EIF4E1B: variants seen among roughly 807,000 people sequenced by gnomAD.
The protein encoded by EIF4E1B is eukaryotic translation initiation factor 4E type 1B.
A neutral mutation model predicts 31.3 loss-of-function variants in EIF4E1B; 22 were observed. That is an observed-to-expected ratio of 0.70 (90% CI 0.50 to 1.00). The LOEUF is 1.00. Among genes scored for constraint, EIF4E1B ranks in the 50% least tolerant of loss-of-function variants. The pLI is 0.00. For missense variants in EIF4E1B, 290 were observed against 311.6 expected (o/e 0.93, Z 0.52); for synonymous variants, 126 against 120.2 (o/e 1.05, Z -0.31).
At position 176,645,848 on chromosome 5, in the gene EIF4E1B, T is replaced by C. The variant is rs369228216; in HGVS notation, c.615-18T>C. The C allele has an allele frequency of 3.5e-5, 55 of 1,555,490 alleles. No individual in the cohort carries two copies. The highest frequency in any genetic ancestry group is 4.5e-5 in the Non-Finnish European group (52 of 1,149,188). On this transcript the variant is annotated intron_variant, in intron 8 of 8. Coordinates refer to ENST00000318682, the MANE Select transcript of EIF4E1B (RefSeq NM_001099408.2). This position sits in a 1 kb window ranked among gnomAD's most constrained non-coding sequence, Gnocchi z 5.4. Reference sequence around the variant, plus strand: ...GACTACCTGTGTCTCTTTTCCTCTGTGTCCCCCGCACCTGCAGGCGTGTAT... The same window carrying C: ...GACTACCTGTGTCTCTTTTCCTCTGCGTCCCCCGCACCTGCAGGCGTGTAT...
rs56115420 is a variant in EIF4E1B at position 176,642,865 on chromosome 5, C to CACCCCCCCG, written c.15+63_15+64insACCCCCCCG. ...GCCCCGCCCTCTCCCCCCCCCCCCC[C>CACCCCCCCG]GCCCCAGGTGGGCGGGGCAGGTGCT... On this transcript the variant is annotated intron_variant, in intron 3 of 8. Coordinates refer to ENST00000318682, the MANE Select transcript of EIF4E1B (RefSeq NM_001099408.2). 2.8e-5 allele frequency: 33 copies of CACCCCCCCG among 1,173,064 alleles called. 2 individuals carry two copies. In the African/African-American group the frequency reaches 6.5e-4, roughly 23 times the overall value. The allele number at this position is 1,173,064 out of a possible 1,614,324, so 72.7% of individuals were successfully genotyped here.
Position 176,646,017 on chromosome 5 carries a change from C to A in EIF4E1B, c.*37C>A. 1 of 1,525,848 alleles carries A rather than the reference C, an allele frequency of 6.6e-7. No homozygotes were observed. Among genetic ancestry groups the A allele is most frequent in the Non-Finnish European group, 8.9e-7 (1 of 1,120,972 alleles). The allele number at this position is 1,525,848 out of a possible 1,614,324, so 94.5% of individuals were successfully genotyped here. A position where few individuals can be genotyped will look rare whatever the true frequency, so the allele number is the denominator to read the frequency against. On this transcript the variant is annotated 3_prime_UTR_variant, in exon 9 of 9. Coordinates refer to ENST00000318682, the MANE Select transcript of EIF4E1B (RefSeq NM_001099408.2). ...GCACCCCTCCTATGTAATGGGACAGCCGCCACTGAGCCTCATTACTTTGGG... is the reference window on the plus strand; with the variant it reads ...GCACCCCTCCTATGTAATGGGACAGACGCCACTGAGCCTCATTACTTTGGG...
intron 1 of EIF4E1B, among the ~76,000 whole-genome samples, chr5:176,637,810 A>C (rs551490036): frequency 6.6e-6 from 1 of 152,246 alleles, no homozygotes; most frequent in African/African-American, 2.4e-5. Flanking sequence ...TCCAGATTTC[A>C]TTTTAACGGC....
rs199960344 is a variant in EIF4E1B, at chr5:176,645,436, C to T, written c.534C>T (p.Val178=). ...ACAGCAGAGAGGTATGTGGGGCCGT[C>T]GTCAACATCCGCACCAAGGGGGACA... The part of the protein sequence containing the change: ...EEHSREVCGA[V]VNIRTKGDKI... Residue 178 remains valine, a synonymous_variant, in exon 8 of 9, where the codon GTC becomes GTT. Coordinates refer to ENST00000318682, the MANE Select transcript of EIF4E1B (RefSeq NM_001099408.2). The surrounding 1 kb of genome is among the most constrained non-coding windows in gnomAD (Gnocchi z 5.4). 18 of 1,514,486 alleles carry T rather than the reference C, an allele frequency of 1.2e-5. No individual in the cohort carries two copies. Among genetic ancestry groups the T allele is most frequent in the East Asian group, 4.6e-5 (2 of 43,506 alleles). 93.8% of individuals were successfully genotyped at this position (1,514,486 alleles called of 1,614,324 possible). A position where few individuals can be genotyped will look rare whatever the true frequency, so the allele number is the denominator to read the frequency against.
rs1333271712 is a variant in EIF4E1B, at chr5:176,645,173, G to A, written c.404G>A (p.Gly135Asp). ...PMWEDSRNKR[G>D]GRWLVSLAKQ... ...TGGGAGGACAGCAGGAATAAACGGG[G>A]TGGCCGCTGGCTGGTCAGCCTGGCC... The change falls in exon 7 of 9, where the codon GGT (glycine) becomes GAT (aspartate). Residue 135 changes from glycine to aspartate, a missense_variant. By Grantham distance (94) the Gly-to-Asp change is moderately conservative (BLOSUM62 -1). Coordinates refer to ENST00000318682, the MANE Select transcript of EIF4E1B (RefSeq NM_001099408.2). This position sits in a 1 kb window ranked among gnomAD's most constrained non-coding sequence, Gnocchi z 5.4. The A allele has an allele frequency of 3.2e-6, 5 of 1,578,300 alleles. No individual in the cohort carries two copies. In the African/African-American group the frequency reaches 5.4e-5, roughly 17 times the overall value.
chr5:176,632,829 T>G (rs1032855308), intron 1 of EIF4E1B, among the ~76,000 whole-genome samples: 3 of 152,242 alleles, frequency 2.0e-5, no homozygotes, highest in Admixed American at 6.5e-5. Context: ...CCTTCCCCTC[T>G]GAGAGATGAC....
chr5:176,643,384 C>A, intron 4 of EIF4E1B, 118 bp downstream of exon 4: 1 of 1,281,406 alleles, frequency 7.8e-7, no homozygotes, highest in Non-Finnish European at 1.1e-6. Context: ...CCGTGGGAGG[C>A]CAGGGCTGAC....
chr5:176,644,099 G>C, intron 5 of EIF4E1B: 3 of 574,304 alleles, frequency 5.2e-6, no homozygotes, highest in Admixed American at 3.2e-5. Context: ...ACAAGCCCTA[G>C]GGAGGGTGAG....
chr5:176,642,676 C>T (rs757582071), intron 2 of EIF4E1B, 34 bp from the exon 3 acceptor site: 26 of 1,496,462 alleles, frequency 1.7e-5, no homozygotes, highest in African/African-American at 2.8e-5. Flanking sequence ...GCTTTCCCTT[C>T]GAGCAGGCTC....
chr5:176,645,559 C>A lies in EIF4E1B; in HGVS notation c.614+43C>A. On this transcript the variant is annotated intron_variant, in intron 8 of 8. Coordinates refer to ENST00000318682, the MANE Select transcript of EIF4E1B (RefSeq NM_001099408.2). This position sits in a 1 kb window ranked among gnomAD's most constrained non-coding sequence, Gnocchi z 5.4. The stretch of plus-strand genomic sequence containing the variant: ...CACAGGGTGGGGACTTGGGTCTCTG[C>A]TAGAGGGAAGGTGGGTGGAGGGGGC... 6.7e-7 allele frequency: 1 copy of A among 1,490,938 alleles called. No homozygotes were observed. Among genetic ancestry groups the A allele is most frequent in the South Asian group, 1.4e-5 (1 of 69,890 alleles). The allele number at this position is 1,490,938 out of a possible 1,614,324, so 92.4% of individuals were successfully genotyped here. A position where few individuals can be genotyped will look rare whatever the true frequency, so the allele number is the denominator to read the frequency against.
intron 2 of EIF4E1B, 68 bp from the exon 3 acceptor site, chr5:176,642,642 C>A: frequency 7.5e-7 from 1 of 1,339,688 alleles, no homozygotes; most frequent in Non-Finnish European, 1.0e-6. Context: ...ATTCTGGGGT[C>A]ACCCTCCACG....
In EIF4E1B at chr5:176,630,983, T is replaced by C. The variant is rs1342573694; in HGVS notation, c.-283T>C. On this transcript the variant is annotated 5_prime_UTR_variant, in exon 1 of 9. Coordinates refer to ENST00000318682, the MANE Select transcript of EIF4E1B (RefSeq NM_001099408.2). ...CTTACCATGGGGGTGTCTGTACGCG[T>C]GTGTGTTCGTGCGCTCAGTGGTGGA... The C allele has an allele frequency of 1.3e-5, 2 of 152,550 alleles. No homozygotes were observed. Among genetic ancestry groups the C allele is most frequent in the Non-Finnish European group, 1.5e-5 (1 of 68,052 alleles). The allele number at this position is 152,550 out of a possible 1,614,324, so 9.4% of individuals were successfully genotyped here.
chr5:176,633,932 C>A (rs1760452362), intron 1 of EIF4E1B, among the ~76,000 whole-genome samples: 2 of 152,148 alleles, frequency 1.3e-5, no homozygotes, highest in African/African-American at 4.8e-5. Flanking sequence ...CTGGGGCAGA[C>A]TCCAGAGGAG....
rs1456665243 is a variant in EIF4E1B, at chr5:176,642,797, G to A, written c.10G>A (p.Val4Ile). Reference protein sequence around the residue: MLAVEVSEAEGGIR... With the variant: MLAIEVSEAEGGIR... ...AGAAGGCACTCACTAAATGCTTGCT[G>A]TTGAGGTAATCAGCCTGGCCTCTCT... The change falls in exon 3 of 9, where the codon GTT (valine) becomes ATT (isoleucine). Residue 4 changes from valine to isoleucine, a missense_variant. Physicochemically the swap from Val to Ile is conservative, Grantham distance 29. Coordinates refer to ENST00000318682, the MANE Select transcript of EIF4E1B (RefSeq NM_001099408.2). 1.3e-6 allele frequency: 2 copies of A among 1,557,764 alleles called. No individual in the cohort carries two copies. The highest frequency in any genetic ancestry group is 1.4e-5 in the African/African-American group (1 of 72,064).
At chr5:176,634,462 T>G (rs1760461476) in intron 1 of EIF4E1B, among the ~76,000 whole-genome samples, 1 of 152,156 alleles carries the variant, frequency 6.6e-6, no homozygotes, top group Non-Finnish European at 1.5e-5. Flanking sequence ...GAAAATTGGT[T>G]CAGTTATCTA....
chr5:176,638,943 T>G lies in EIF4E1B; in HGVS notation c.-201-3100T>G, dbSNP rs1243472119. ...GTGCCTGCCACCATGCCCAACTAGTTTTGTTGCTGTTGTTGTTTGTTTGTT... is the reference window on the plus strand; with the variant it reads ...GTGCCTGCCACCATGCCCAACTAGTGTTGTTGCTGTTGTTGTTTGTTTGTT... On this transcript the variant is annotated intron_variant, in intron 1 of 8. Transcript: ENST00000318682. The surrounding 1 kb of genome is among the most constrained non-coding windows in gnomAD (Gnocchi z 4.3). Among the ~76,000 whole-genome samples, 1 of 152,072 alleles carries G rather than the reference T, an allele frequency of 6.6e-6. No individual in the cohort carries two copies. Among genetic ancestry groups the G allele is most frequent in the Non-Finnish European group, 1.5e-5 (1 of 68,014 alleles).
At chr5:176,643,589 T>A in intron 4 of EIF4E1B, 50 bp from the exon 5 acceptor site, 1 of 1,541,756 alleles carries the variant, frequency 6.5e-7, no homozygotes, top group Non-Finnish European at 8.8e-7. Flanking sequence ...GCCCCGGGGG[T>A]GGACTTGGCT....
Position 176,643,254 on chromosome 5 carries a change from C to T in EIF4E1B, c.188C>T (p.Pro63Leu), listed in dbSNP as rs1329632376. The change falls in exon 4 of 9, where the codon CCC becomes CTC. Residue 63 changes from proline to leucine, a missense_variant. Transcript: ENST00000318682. ...GPMEVKLELH[P>L]LQNRWALWFF... ...ATGGAAGTCAAGCTGGAGCTGCACC[C>T]CTTGCAGAACAGGTAGGCAGGAGCC... 4.3e-6 allele frequency: 7 copies of T among 1,612,144 alleles called. No homozygotes were observed. The highest frequency in any genetic ancestry group is 2.5e-6 in the Non-Finnish European group (3 of 1,179,810).
At position 176,638,754 on chromosome 5, in the gene EIF4E1B, G is replaced by T. The variant is rs1399889669; in HGVS notation, c.-201-3289G>T. Among the ~76,000 whole-genome samples the T allele has an allele frequency of 6.6e-6, 1 of 151,894 alleles. No homozygotes were observed. The highest frequency in any genetic ancestry group is 1.5e-5 in the Non-Finnish European group (1 of 68,032). ...ACCTGGACTTTGGATCACATCCTGG[G>T]TGTCCTGGAGGTTTGTTTGTTTGTT... On this transcript the variant is annotated intron_variant, in intron 1 of 8. Transcript: ENST00000318682. This position sits in a 1 kb window ranked among gnomAD's most constrained non-coding sequence, Gnocchi z 4.3.
Sources: allele counts gnomAD v4.1 joint callset (sites outside exome capture counted in the v4.1 genomes callset), GRCh38; gene constraint gnomAD v4.1.1; non-coding constraint Gnocchi (gnomAD v3.1); transcripts MANE v1.5; gene names NCBI Gene and HGNC (gene_info 2026-07-23, HGNC 2026-07-21).